Variants in IFT52 observed in about 807,000 individuals in gnomAD.
IFT52 encodes the protein intraflagellar transport 52.
In IFT52, 44 loss-of-function variants were observed where a neutral mutation model predicts 54.4. The observed-to-expected ratio is 0.81, with a 90% CI of 0.63 to 1.04. The LOEUF (loss-of-function observed/expected upper bound fraction) is 1.04. IFT52 is among the 50% of genes least tolerant of loss of function. The pLI is 0.00. For missense variants in IFT52, 452 were observed against 523.6 expected (o/e 0.86, Z 1.33); for synonymous variants, 181 against 185.3 (o/e 0.98, Z 0.19).
intron 3 of IFT52, among the ~76,000 whole-genome samples, chr20:43,602,913 G>A (rs1261202660): frequency 1.3e-5 from 2 of 152,066 alleles, no homozygotes; most frequent in African/African-American, 4.8e-5. Flanking sequence ...AATCAGTGGG[G>A]TGCCAAAAGG....
In IFT52 at chr20:43,594,721, C is replaced by T. The variant is rs1198719193; in HGVS notation, c.23C>T (p.Thr8Ile). The part of the protein sequence containing the change: MEKELRS[T>I]ILFNAYKKEI... Reference sequence around the variant, plus strand: ...ACCATGGAGAAAGAGCTGCGGAGCACCATTCTTTTCAATGCCTACAAAAAG... The same window carrying T: ...ACCATGGAGAAAGAGCTGCGGAGCATCATTCTTTTCAATGCCTACAAAAAG... The change falls in exon 2 of 14, where the codon ACC (threonine) becomes ATC (isoleucine). Residue 8 changes from threonine (T) to isoleucine (I), a missense_variant. By Grantham distance (89) the Thr-to-Ile change is moderately conservative. Coordinates refer to ENST00000373030, the MANE Select transcript of IFT52 (RefSeq NM_016004.5). 1.2e-6 allele frequency: 2 copies of T among 1,608,430 alleles called. No homozygotes were observed. Among genetic ancestry groups the T allele is most frequent in the Non-Finnish European group, 1.7e-6 (2 of 1,174,830 alleles).
At chr20:43,606,285 T>G (rs915483133) in intron 6 of IFT52, among the ~76,000 whole-genome samples, 14 of 150,078 alleles carry the variant, frequency 9.3e-5, no homozygotes, top group Non-Finnish European at 1.6e-4. Context: ...TTTTTTTTTT[T>G]TTTTTTGAGA....
intron 9 of IFT52, among the ~76,000 whole-genome samples, chr20:43,621,343 A>G (rs1298738212): frequency 1.3e-5 from 2 of 152,260 alleles, no homozygotes; most frequent in Non-Finnish European, 2.9e-5. Context: ...TTATAATAAT[A>G]TTCATCAGAC....
intron 2 of IFT52, among the ~76,000 whole-genome samples, chr20:43,595,464 G>A (rs189767587): frequency 6.8e-4 from 104 of 152,070 alleles, no homozygotes; most frequent in African/African-American, 2.4e-3. Flanking sequence ...CAGGAGAATC[G>A]CTTAAATCCA....
chr20:43,638,422 C>G (rs1399829771), intron 12 of IFT52, among the ~76,000 whole-genome samples: 1 of 151,942 alleles, frequency 6.6e-6, no homozygotes, highest in African/African-American at 2.4e-5. Context: ...AACTCCAGAC[C>G]TCAGGTGATC....
intron 9 of IFT52, 72 bp downstream of exon 9, chr20:43,620,997 C>A: frequency 9.5e-7 from 1 of 1,053,618 alleles, no homozygotes; most frequent in South Asian, 1.3e-5. Flanking sequence ...TCTCACAGCT[C>A]AAAAGGAATA....
chr20:43,640,842 C>T (rs1312115213), intron 12 of IFT52, among the ~76,000 whole-genome samples: 1 of 152,058 alleles, frequency 6.6e-6, no homozygotes, highest in African/African-American at 2.4e-5. Context: ...TCGAGACCAG[C>T]TTGGGCGACA....
chr20:43,605,664 T>A (rs1335241839), intron 6 of IFT52, among the ~76,000 whole-genome samples: 1 of 152,222 alleles, frequency 6.6e-6, no homozygotes, highest in Non-Finnish European at 1.5e-5. Context: ...TCCCAGTTTA[T>A]CTAACCAACT....
intron 6 of IFT52, among the ~76,000 whole-genome samples, chr20:43,610,748 AG>A (rs1983378577): frequency 6.6e-6 from 1 of 151,948 alleles, no homozygotes; most frequent in Non-Finnish European, 1.5e-5. Context: ...CAAAAAAAAA[AG>A]AAAAAAAAAA....
chr20:43,638,163 A>C (rs968118541), intron 12 of IFT52, among the ~76,000 whole-genome samples: 15 of 149,172 alleles, frequency 1.0e-4, no homozygotes, highest in Non-Finnish European at 1.9e-4. Context: ...CAGTGACCCC[A>C]CTCCTGGAAC....
At chr20:43,615,727 A>G (rs1162673661) in intron 7 of IFT52, among the ~76,000 whole-genome samples, 1 of 152,058 alleles carries the variant, frequency 6.6e-6, no homozygotes, top group African/African-American at 2.4e-5. Context: ...TCACGAGGTC[A>G]GGAGATTGAG....
At chr20:43,636,224 A>ATG (rs1353231759) in intron 11 of IFT52, among the ~76,000 whole-genome samples, 1 of 152,220 alleles carries the variant, frequency 6.6e-6, no homozygotes, top group Non-Finnish European at 1.5e-5. Context: ...GGAATCAAGG[A>ATG]TGTGGAGCCT....
intron 7 of IFT52, 103 bp from the exon 8 acceptor site, chr20:43,618,835 GTA>G: frequency 1.4e-6 from 1 of 736,472 alleles, no homozygotes; most frequent in Non-Finnish European, 2.3e-6. Flanking sequence ...GCACTCTTCA[GTA>G]TATAAGACAG....
At chr20:43,613,707 A>G in intron 6 of IFT52, 143 bp from the exon 7 acceptor site, 1 of 738,106 alleles carries the variant, frequency 1.4e-6, no homozygotes, top group Non-Finnish European at 2.3e-6. Flanking sequence ...CAGTGAGCCA[A>G]GATCGCACCA....
chr20:43,605,114 T>C (rs777790398), intron 6 of IFT52, 41 bp downstream of exon 6: 2 of 1,596,420 alleles, frequency 1.3e-6, no homozygotes, highest in East Asian at 4.5e-5. Flanking sequence ...AGATGTATCA[T>C]TTTGGAGTCT....
At position 43,618,981 on chromosome 20, in the gene IFT52, G is replaced by A; in HGVS notation, c.654G>A (p.Met218Ile). The part of the protein sequence containing the change: ...GKLAVLGSCH[M>I]FSDQYLDKEE... ...TGGCAGTGCTTGGTTCATGTCACAT[G>A]TTCAGTGATCAATATTTGGACAAAG... The change falls in exon 8 of 14, where the codon ATG becomes ATA. Residue 218 changes from methionine to isoleucine, a missense_variant. Physicochemically the swap from Met to Ile is conservative, Grantham distance 10. Coordinates refer to ENST00000373030, the MANE Select transcript of IFT52 (RefSeq NM_016004.5). 1 of 1,614,018 alleles carries A rather than the reference G, an allele frequency of 6.2e-7. No individual in the cohort carries two copies.
intron 1 of IFT52, among the ~76,000 whole-genome samples, 162 bp downstream of exon 1, chr20:43,591,216 G>A (rs1462577423): frequency 6.6e-6 from 1 of 152,216 alleles, no homozygotes; most frequent in Non-Finnish European, 1.5e-5. Context: ...CGGGTTCCTG[G>A]CGCCCCGGCT....
At chr20:43,623,459 G>A (rs938195612) in intron 9 of IFT52, among the ~76,000 whole-genome samples, 8 of 152,146 alleles carry the variant, frequency 5.3e-5, no homozygotes, top group Admixed American at 5.2e-4. Flanking sequence ...AGTGTTGTAG[G>A]TGTGAGCCAC....
rs113157923 is a variant in IFT52, at chr20:43,618,828, C to G, written c.613-112C>G. Reference sequence around the variant, plus strand: ...TTTAAAATCTGGGTGTGAATTGGCACTCTTCAGTATATAAGACAGTTGCTA... The same window carrying G: ...TTTAAAATCTGGGTGTGAATTGGCAGTCTTCAGTATATAAGACAGTTGCTA... On this transcript the variant is annotated intron_variant, in intron 7 of 13. Transcript: ENST00000373030. The G allele has an allele frequency of 5.8e-6, 4 of 689,330 alleles. No individual in the cohort carries two copies. The Admixed American group carries it at 8.3e-5, about 14-fold the overall frequency. 42.7% of individuals were successfully genotyped at this position (689,330 alleles called of 1,614,324 possible). A position where few individuals can be genotyped will look rare whatever the true frequency, so the allele number is the denominator to read the frequency against.
Sources: allele counts gnomAD v4.1 joint callset (sites outside exome capture counted in the v4.1 genomes callset), GRCh38; gene constraint gnomAD v4.1.1; transcripts MANE v1.5; gene names NCBI Gene and HGNC (gene_info 2026-07-23, HGNC 2026-07-21).